SCOC: variants seen among roughly 807,000 people sequenced by gnomAD.
SCOC encodes the protein short coiled coil protein.
SCOC carries 7 observed loss-of-function variants against 9.9 expected under a neutral mutation model. The ratio of observed to expected loss-of-function variants is 0.71; its 90% CI spans 0.40 to 1.33. SCOC has a LOEUF of 1.33. SCOC is among the 40% of genes most tolerant of loss of function. The pLI is 0.01. For synonymous variants in SCOC, 19 were observed against 28.2 expected (o/e 0.67, Z 1.03); for missense variants, 66 against 89.7 (o/e 0.74, Z 1.07).
chr4:140,326,541 G>A (rs573085466), intron 1 of SCOC, among the ~76,000 whole-genome samples: 1 of 152,242 alleles, frequency 6.6e-6, no homozygotes, highest in East Asian at 1.9e-4. Flanking sequence ...CCACTGTGGT[G>A]AATTCTGTCA....
rs1371686517 is a variant in SCOC, at chr4:140,381,682, A to G, written c.*578A>G. The G allele has an allele frequency of 6.6e-6, 1 of 152,220 alleles. No individual in the cohort carries two copies. 9.4% of individuals were successfully genotyped at this position (152,220 alleles called of 1,614,324 possible). On this transcript the variant is annotated 3_prime_UTR_variant, in exon 4 of 4. Transcript: ENST00000608372. ...GCTAGGGCTTGTCATTTGTGTATTT[A>G]GTGTTAAGATAGGAATGCTAGTGTC...
chr4:140,346,172 C>T (rs914809031), intron 2 of SCOC, among the ~76,000 whole-genome samples: 1 of 152,126 alleles, frequency 6.6e-6, no homozygotes, highest in African/African-American at 2.4e-5. Flanking sequence ...GGTGTTTGTT[C>T]ATGCTGGGCT....
intron 1 of SCOC, among the ~76,000 whole-genome samples, chr4:140,266,625 G>A (rs963191765): frequency 6.6e-6 from 1 of 152,122 alleles, no homozygotes; most frequent in Non-Finnish European, 1.5e-5. Context: ...CCTGAGTTCA[G>A]TTTCCTTCTA....
chr4:140,345,860 T>A (rs1726715887), intron 2 of SCOC, among the ~76,000 whole-genome samples: 1 of 152,198 alleles, frequency 6.6e-6, no homozygotes, highest in African/African-American at 2.4e-5. Context: ...CTCAAACTCC[T>A]ATGTTCAATA....
At chr4:140,353,045 T>C (rs1239538251) in intron 2 of SCOC, among the ~76,000 whole-genome samples, 1 of 152,186 alleles carries the variant, frequency 6.6e-6, no homozygotes, top group Non-Finnish European at 1.5e-5. Flanking sequence ...TCCAGTTGGA[T>C]GGGAGCAGCT....
intron 1 of SCOC, among the ~76,000 whole-genome samples, chr4:140,283,553 A>T (rs1560681421): frequency 6.6e-6 from 1 of 152,194 alleles, no homozygotes; most frequent in Non-Finnish European, 1.5e-5. Context: ...ATCATCTGTA[A>T]ATCAAAACAA....
chr4:140,260,980 G>A (rs563759192), intron 1 of SCOC, among the ~76,000 whole-genome samples: 77 of 152,220 alleles, frequency 5.1e-4, no homozygotes, highest in African/African-American at 1.5e-3. Flanking sequence ...TATATTAAGA[G>A]CTCTCTATGT....
At position 140,381,101 on chromosome 4, in the gene SCOC, G is replaced by T; in HGVS notation, c.246G>T (p.Lys82Asn). ...FQTTDTKSKR[K>N] ...CAACTGACACAAAAAGCAAAAGAAAGTAAGGGATTGACACCCTTCTGTTTT... is the reference window on the plus strand; with the variant it reads ...CAACTGACACAAAAAGCAAAAGAAATTAAGGGATTGACACCCTTCTGTTTT... Residue 82 changes from lysine to asparagine, a missense_variant, in exon 4 of 4, where the codon AAG becomes AAT. Lys to Asn is a moderately conservative substitution (Grantham distance 94, BLOSUM62 0). Transcript: ENST00000608372. 6.3e-7 allele frequency: 1 copy of T among 1,595,824 alleles called. No individual in the cohort carries two copies. Among genetic ancestry groups the T allele is most frequent in the South Asian group, 1.1e-5 (1 of 87,054 alleles).
intron 1 of SCOC, among the ~76,000 whole-genome samples, chr4:140,267,611 C>T (rs1321754593): frequency 2.6e-5 from 4 of 152,136 alleles, no homozygotes; most frequent in African/African-American, 9.7e-5. Context: ...TCCCCTCCTT[C>T]CCAGCCGCGC....
Position 140,348,008 on chromosome 4 carries a change from A to T in SCOC, c.70+4300A>T, listed in dbSNP as rs941346726. Among the ~76,000 whole-genome samples the T allele has an allele frequency of 3.3e-5, 5 of 152,158 alleles. No individual in the cohort carries two copies. The South Asian group carries it at 1.0e-3, about 32-fold the overall frequency. On this transcript the variant is annotated intron_variant, in intron 2 of 4. Coordinates refer to the SCOC transcript ENST00000338517. ...TTTTCTACTTTTTTTCTTATTTACT[A>T]AATACAAATAAAAATTGTATATGTT...
chr4:140,372,187 A>G (rs1398203137), upstream of SCOC, among the ~76,000 whole-genome samples: 1 of 152,250 alleles, frequency 6.6e-6, no homozygotes, highest in Non-Finnish European at 1.5e-5. Context: ...TTGGTTCTGG[A>G]GATTGGTTGG....
chr4:140,332,673 G>A (rs1395993861), intron 1 of SCOC, among the ~76,000 whole-genome samples: 2 of 151,938 alleles, frequency 1.3e-5, no homozygotes, highest in Non-Finnish European at 1.5e-5. Context: ...CACCGCGCCC[G>A]GCCTGGAGTC....
At chr4:140,315,932 CT>C (rs1434344005) in intron 1 of SCOC, among the ~76,000 whole-genome samples, 3 of 152,036 alleles carry the variant, frequency 2.0e-5, no homozygotes, top group Non-Finnish European at 4.4e-5. Flanking sequence ...GTTGCAGTGG[CT>C]TTTTCGGTGG....
chr4:140,369,213 A>G (rs1727934652), upstream of SCOC: 1 of 346,478 alleles, frequency 2.9e-6, no homozygotes, highest in Admixed American at 3.9e-5. Context: ...AAATAGCTAT[A>G]TGGTATACTG....
At chr4:140,310,422 T>C (rs1301850367) in intron 1 of SCOC, among the ~76,000 whole-genome samples, 1 of 152,234 alleles carries the variant, frequency 6.6e-6, no homozygotes, top group African/African-American at 2.4e-5. Context: ...TGGTATATCC[T>C]TTTTTACAAG....
At chr4:140,345,995 T>C (rs1726722035) in intron 2 of SCOC, among the ~76,000 whole-genome samples, 1 of 152,236 alleles carries the variant, frequency 6.6e-6, no homozygotes, top group Admixed American at 6.5e-5. Context: ...TGGTCCTACA[T>C]TACAGATGAT....
chr4:140,261,727 A>G (rs1342049384), intron 1 of SCOC, among the ~76,000 whole-genome samples: 1 of 152,242 alleles, frequency 6.6e-6, no homozygotes, highest in African/African-American at 2.4e-5. Context: ...GGTTGCTTCC[A>G]GCCAGGAATG....
At chr4:140,289,560 A>G (rs1264306163) in intron 1 of SCOC, among the ~76,000 whole-genome samples, 3 of 152,200 alleles carry the variant, frequency 2.0e-5, no homozygotes, top group African/African-American at 7.2e-5. Context: ...GTGGGCAGAC[A>G]GGGCAAATTC....
intron 2 of SCOC, among the ~76,000 whole-genome samples, chr4:140,354,166 G>A (rs1578847501): frequency 6.6e-6 from 1 of 152,122 alleles, no homozygotes; most frequent in Admixed American, 6.5e-5. Context: ...TGGTTAGGAG[G>A]TTAGCTTCCT....
Sources: allele counts gnomAD v4.1 joint callset (sites outside exome capture counted in the v4.1 genomes callset), GRCh38; gene constraint gnomAD v4.1.1; transcripts MANE v1.5; gene names NCBI Gene and HGNC (gene_info 2026-07-23, HGNC 2026-07-21).